The following SEMA3A variants were observed in gnomAD, a reference collection of about 807,000 sequenced individuals.
SEMA3A encodes semaphorin-3A.
SEMA3A carries 29 observed loss-of-function variants against 97.9 expected under a neutral mutation model. The observed-to-expected ratio is 0.30, with a 90% CI of 0.22 to 0.40. SEMA3A has a LOEUF of 0.40. Among genes scored for constraint, SEMA3A ranks in the 10% least tolerant of loss-of-function variants. SEMA3A has a pLI of 1.00. For synonymous variants in SEMA3A, 321 were observed against 323.7 expected, an observed-to-expected ratio of 0.99 and a Z score of 0.09; for missense variants, 763 against 951.3, an observed-to-expected ratio of 0.80 and a Z score of 2.60.
intron 4 of SEMA3A, among the ~76,000 whole-genome samples, chr7:84,082,278 T>C (rs1392500179): frequency 6.6e-6 from 1 of 152,186 alleles, no homozygotes; most frequent in Non-Finnish European, 1.5e-5. Context: ...TCATTTCCAA[T>C]TGTAAGCTAT....
chr7:84,382,728 A>T (rs1468238771), intron 1 of SEMA3A, among the ~76,000 whole-genome samples: 1 of 123,804 alleles, frequency 8.1e-6, no homozygotes, highest in Non-Finnish European at 1.6e-5. Context: ...AAAAAAAAAA[A>T]ATAGCCAGGC....
chr7:84,058,422 A>T (rs968535152), intron 5 of SEMA3A, among the ~76,000 whole-genome samples: 2 of 152,216 alleles, frequency 1.3e-5, no homozygotes, highest in African/African-American at 4.8e-5. Flanking sequence ...TTAGAGCAGT[A>T]TGAGAGAAAA....
At chr7:84,250,179 G>T (rs922188263) in intron 3 of SEMA3A, among the ~76,000 whole-genome samples, 10 of 151,062 alleles carry the variant, frequency 6.6e-5, no homozygotes, top group African/African-American at 9.7e-5. Flanking sequence ...ATATAATTAG[G>T]CATAAAACAC....
At chr7:84,070,575 G>A (rs1793702528) in intron 4 of SEMA3A, among the ~76,000 whole-genome samples, 1 of 152,116 alleles carries the variant, frequency 6.6e-6, no homozygotes. Flanking sequence ...AATATTTTAG[G>A]TGGGAAATTG....
intron 3 of SEMA3A, among the ~76,000 whole-genome samples, chr7:84,275,346 C>T (rs915910494): frequency 6.6e-6 from 1 of 152,050 alleles, no homozygotes; most frequent in East Asian, 1.9e-4. Flanking sequence ...CAAATAAAAG[C>T]ATCAATGTCA....
chr7:84,453,531 C>G (rs892755418), intron 1 of SEMA3A, among the ~76,000 whole-genome samples: 6 of 152,096 alleles, frequency 3.9e-5, no homozygotes, highest in Non-Finnish European at 8.8e-5. Flanking sequence ...CCACCGCGCC[C>G]GGCCGAGACT....
intron 7 of SEMA3A, among the ~76,000 whole-genome samples, chr7:84,012,793 A>T (rs575011198): frequency 6.6e-6 from 1 of 152,326 alleles, no homozygotes; most frequent in Non-Finnish European, 1.5e-5. Flanking sequence ...GTTTACTAGA[A>T]ACTATAGTTT....
At chr7:84,146,763 T>A (rs1796473447) in intron 1 of SEMA3A, among the ~76,000 whole-genome samples, 1 of 152,186 alleles carries the variant, frequency 6.6e-6, no homozygotes, top group South Asian at 2.1e-4. Context: ...ATTGGTTTTA[T>A]TTAATGCTTT....
chr7:84,177,348 T>A (rs932467982), intron 1 of SEMA3A, among the ~76,000 whole-genome samples: 2 of 152,112 alleles, frequency 1.3e-5, no homozygotes, highest in African/African-American at 4.8e-5. Context: ...GCATTCATTC[T>A]CCTATGTGTT....
chr7:84,019,163 C>T (rs2116434289), intron 6 of SEMA3A, among the ~76,000 whole-genome samples: 1 of 150,928 alleles, frequency 6.6e-6, no homozygotes, highest in East Asian at 2.0e-4. Flanking sequence ...AAAAAAGAAA[C>T]TTCTGATTTG....
intron 1 of SEMA3A, among the ~76,000 whole-genome samples, chr7:84,428,466 T>C (rs1804884077): frequency 6.6e-6 from 1 of 152,090 alleles, no homozygotes; most frequent in Non-Finnish European, 1.5e-5. Context: ...ACATATAGTT[T>C]ACCTCTTAAA....
chr7:84,072,526 T>C (rs1210406068), intron 4 of SEMA3A, among the ~76,000 whole-genome samples: 1 of 152,158 alleles, frequency 6.6e-6, no homozygotes, highest in East Asian at 1.9e-4. Context: ...CAGAAATATA[T>C]AATTTATTTT....
chr7:84,085,294 G>GGGA (rs1217695967), intron 4 of SEMA3A, among the ~76,000 whole-genome samples: 1 of 151,714 alleles, frequency 6.6e-6, no homozygotes, highest in Admixed American at 6.6e-5. Context: ...GAGGAGCAAA[G>GGGA]GGAGGATGAG....
intron 6 of SEMA3A, among the ~76,000 whole-genome samples, chr7:84,014,561 A>G (rs1431874051): frequency 2.0e-5 from 3 of 152,136 alleles, no homozygotes; most frequent in Non-Finnish European, 2.9e-5. Flanking sequence ...AAATGTATTC[A>G]TTTTGTTCTG....
intron 14 of SEMA3A, among the ~76,000 whole-genome samples, chr7:83,977,808 CTT>C (rs1368534487): frequency 2.7e-5 from 3 of 109,954 alleles, no homozygotes; most frequent in Non-Finnish European, 2.0e-5. Context: ...TTCTTTCTTT[CTT>C]TTTTTTTTTT....
chr7:83,987,981 G>A (rs1037140069), intron 12 of SEMA3A, among the ~76,000 whole-genome samples: 3 of 152,106 alleles, frequency 2.0e-5, no homozygotes, highest in African/African-American at 7.2e-5. Context: ...ATTGCTGATA[G>A]GACACTTTTC....
Position 84,078,300 on chromosome 7 carries a change from G to A in SEMA3A, c.454-17742C>T, listed in dbSNP as rs553867460. Among the ~76,000 whole-genome samples, 7 of 152,002 alleles carry A rather than the reference G, an allele frequency of 4.6e-5. No individual in the cohort carries two copies. The East Asian group carries it at 1.4e-3, about 29-fold the overall frequency. ...GAGTTGTGAAATCTTGAATTTGAAGGCCTTTTCATGAAACCTAAGGGGTTT... is the reference window on the plus strand; with the variant it reads ...GAGTTGTGAAATCTTGAATTTGAAGACCTTTTCATGAAACCTAAGGGGTTT... On this transcript the variant is annotated intron_variant, in intron 4 of 16. Transcript: ENST00000265362.
intron 5 of SEMA3A, among the ~76,000 whole-genome samples, chr7:84,054,850 C>A (rs903613295): frequency 1.3e-5 from 2 of 149,916 alleles, no homozygotes; most frequent in South Asian, 4.3e-4. Flanking sequence ...TACTTTTGGT[C>A]TTTGATGATG....
intron 6 of SEMA3A, among the ~76,000 whole-genome samples, chr7:84,018,110 A>G (rs1791176813): frequency 6.6e-6 from 1 of 152,132 alleles, no homozygotes; most frequent in South Asian, 2.1e-4. Context: ...CTCTTCGTCA[A>G]ATCGACAAAT....
Sources: allele counts gnomAD v4.1 joint callset (sites outside exome capture counted in the v4.1 genomes callset), GRCh38; gene constraint gnomAD v4.1.1; transcripts MANE v1.5; gene names NCBI Gene and HGNC (gene_info 2026-07-23, HGNC 2026-07-21).